The following VAT1L variants were observed in gnomAD, a reference collection of about 807,000 sequenced individuals.
VAT1L encodes vesicle amine transport 1 like, also known as putative NADPH-dependent quinone oxidoreductase VAT1L.
Under a neutral mutation model 44.1 loss-of-function variants are expected in VAT1L, and 34 were observed. That is an observed-to-expected ratio of 0.77 (90% CI 0.59 to 1.03). The LOEUF is 1.03. Among genes scored for constraint, VAT1L ranks in the 50% least tolerant of loss-of-function variants. VAT1L has a pLI of 0.00. For missense variants in VAT1L, 615 were observed against 538.8 expected, an observed-to-expected ratio of 1.14 and a Z score of -1.40; for synonymous variants, 253 against 202.2, an observed-to-expected ratio of 1.25 and a Z score of -2.13.
rs1362286786 is a variant in VAT1L at position 77,876,472 on chromosome 16, T to C, written c.825T>C (p.Tyr275=). 5.0e-6 allele frequency: 8 copies of C among 1,613,978 alleles called. No individual in the cohort carries two copies. The highest frequency in any genetic ancestry group is 5.9e-6 in the Non-Finnish European group (7 of 1,179,832). ...LLKPLGTYIL[Y]GSSNMVTGET... ...AACCCCTGGGAACCTACATTTTATA[T>C]GGTGAGTGCAAAACAGCAGCAGGGA... Residue 275 remains tyrosine, a splice_region_variant and synonymous_variant, in exon 5 of 9, where the codon TAT becomes TAC. Transcript: ENST00000302536.
intron 1 of VAT1L, among the ~76,000 whole-genome samples, chr16:77,801,997 C>A (rs1008859252): frequency 1.3e-5 from 2 of 152,148 alleles, no homozygotes; most frequent in African/African-American, 4.8e-5. Flanking sequence ...TGAAACAGTC[C>A]TTTCAGATTT....
intron 7 of VAT1L, among the ~76,000 whole-genome samples, chr16:77,942,425 A>G (rs895482203): frequency 1.4e-4 from 21 of 150,130 alleles, no homozygotes; most frequent in Admixed American, 1.2e-3. Context: ...CACCATATCA[A>G]TCAGTGATGT....
At chr16:77,881,982 G>A (rs936050965) in intron 6 of VAT1L, 5 of 152,322 alleles carry the variant, frequency 3.3e-5, no homozygotes, top group Admixed American at 3.3e-4. Context: ...CTCAATGAAG[G>A]CATTCATAAA....
chr16:77,884,754 C>T lies in VAT1L; in HGVS notation c.1029C>T (p.Asn343=). 1 of 1,587,114 alleles carries T rather than the reference C, an allele frequency of 6.3e-7. No individual in the cohort carries two copies. Among genetic ancestry groups the T allele is most frequent in the Non-Finnish European group, 8.6e-7 (1 of 1,167,526 alleles). ...TGGAAAAACTCATAGGGCTCTACAA[C>T]CAGAAGAAGATCAAGCCTGTGGTGG... ...GVVEKLIGLY[N]QKKIKPVVDS... Residue 343 remains asparagine, a synonymous_variant, in exon 7 of 9, where the codon AAC becomes AAT. Coordinates refer to ENST00000302536, the MANE Select transcript of VAT1L (RefSeq NM_020927.3). The surrounding 1 kb of genome is among the most constrained non-coding windows in gnomAD (Gnocchi z 4.5).
At chr16:77,865,611 C>T (rs532042487) in intron 4 of VAT1L, among the ~76,000 whole-genome samples, 6 of 152,268 alleles carry the variant, frequency 3.9e-5, no homozygotes, top group South Asian at 4.1e-4. Context: ...AAGGTGCTAT[C>T]GAATACTTAC....
At chr16:77,789,095 C>T (rs1306834107) in intron 1 of VAT1L, among the ~76,000 whole-genome samples, 180 bp downstream of exon 1, 1 of 152,068 alleles carries the variant, frequency 6.6e-6, no homozygotes, top group Non-Finnish European at 1.5e-5. Context: ...AGAGGGGCGG[C>T]CTCCCCAAGC....
At chr16:77,898,373 G>T (rs981832213) in intron 7 of VAT1L, among the ~76,000 whole-genome samples, 1 of 152,242 alleles carries the variant, frequency 6.6e-6, no homozygotes, top group Middle Eastern at 3.4e-3. Flanking sequence ...AGTCACATAC[G>T]ATCAAAAACG....
chr16:77,916,218 G>A (rs940849689), intron 7 of VAT1L, among the ~76,000 whole-genome samples: 1 of 152,116 alleles, frequency 6.6e-6, no homozygotes, highest in Non-Finnish European at 1.5e-5. Flanking sequence ...TTTGGGTTTC[G>A]TGCACTCAAC....
intron 7 of VAT1L, among the ~76,000 whole-genome samples, chr16:77,942,183 T>A (rs2017893662): frequency 6.6e-6 from 1 of 152,168 alleles, no homozygotes; most frequent in Non-Finnish European, 1.5e-5. Context: ...GGTCTCACAA[T>A]CATGGTGGAA....
intron 7 of VAT1L, among the ~76,000 whole-genome samples, chr16:77,967,104 A>G (rs1354084598): frequency 1.3e-5 from 2 of 152,080 alleles, no homozygotes; most frequent in African/African-American, 4.8e-5. Flanking sequence ...TTTGGGAGCA[A>G]TGTCTCTTTT....
intron 7 of VAT1L, among the ~76,000 whole-genome samples, chr16:77,964,830 G>C (rs1168102238): frequency 8.1e-6 from 1 of 123,524 alleles, no homozygotes; most frequent in Non-Finnish European, 1.6e-5. Context: ...TTTCGCCCTT[G>C]TTGCCCAGGC....
In VAT1L at chr16:77,834,817, C is replaced by T. The variant is rs78651476; in HGVS notation, c.579+9356C>T. 4.3e-3 allele frequency among the ~76,000 whole-genome samples: 653 copies of T among 152,274 alleles called. 5 individuals are homozygous for T. The highest frequency in any genetic ancestry group is 0.015 in the African/African-American group (618 of 41,544). On this transcript the variant is annotated intron_variant, in intron 3 of 8. Transcript: ENST00000302536. ...ATTTTCCTAAGATTAATGGCCTGGGCCCTGGAGTCAGTCTATGTCCAAAGC... is the reference window on the plus strand; with the variant it reads ...ATTTTCCTAAGATTAATGGCCTGGGTCCTGGAGTCAGTCTATGTCCAAAGC...
chr16:77,965,466 A>T (rs763821218), intron 7 of VAT1L, among the ~76,000 whole-genome samples: 12 of 152,130 alleles, frequency 7.9e-5, no homozygotes, highest in Non-Finnish European at 1.3e-4. Flanking sequence ...TTGAGCTTAG[A>T]ATGTTGGCAT....
intron 7 of VAT1L, among the ~76,000 whole-genome samples, chr16:77,935,684 C>T (rs952137191): frequency 1.3e-5 from 2 of 151,924 alleles, no homozygotes; most frequent in Non-Finnish European, 2.9e-5. Flanking sequence ...CTGGTTGGAT[C>T]GTGTCTGCAG....
chr16:77,801,927 T>C (rs1300067226), intron 1 of VAT1L, among the ~76,000 whole-genome samples: 1 of 152,124 alleles, frequency 6.6e-6, no homozygotes, highest in Non-Finnish European at 1.5e-5. Flanking sequence ...AAACTCTGAC[T>C]CAACGTTTTG....
chr16:77,816,900 T>C, intron 1 of VAT1L, 21 bp from the exon 2 acceptor site: 1 of 1,579,026 alleles, frequency 6.3e-7, no homozygotes, highest in Non-Finnish European at 8.6e-7. Flanking sequence ...ATTTCTCTCC[T>C]TTCACATTTG....
Position 77,860,019 on chromosome 16 carries a change from G to C in VAT1L, c.580-2729G>C, listed in dbSNP as rs116919355. ...TCCAATATGGCTGGTGTCCTTATGA[G>C]AAGGGGAAATTCGGACACAGAGTGT... On this transcript the variant is annotated intron_variant, in intron 3 of 8. Transcript: ENST00000302536. Among the ~76,000 whole-genome samples the C allele has an allele frequency of 5.2e-3, 792 of 152,272 alleles. 11 individuals are homozygous for C. Among genetic ancestry groups the C allele is most frequent in the East Asian group, 0.04 (205 of 5,180 alleles).
chr16:77,867,511 A>G (rs568068809), intron 4 of VAT1L, among the ~76,000 whole-genome samples: 2 of 152,208 alleles, frequency 1.3e-5, no homozygotes, highest in East Asian at 3.9e-4. Context: ...TCGACTTACA[A>G]TGGAGTTACA....
chr16:77,838,166 C>T (rs1043170107), intron 3 of VAT1L, among the ~76,000 whole-genome samples: 3 of 152,206 alleles, frequency 2.0e-5, no homozygotes, highest in African/African-American at 7.2e-5. Context: ...CCCTTGGATA[C>T]ATGCTGAGAA....
Sources: gnomAD v4.1 joint callset for allele counts (sites outside exome capture counted in the v4.1 genomes callset) on GRCh38, gnomAD v4.1.1 for gene constraint, Gnocchi (gnomAD v3.1) non-coding constraint, MANE v1.5 for transcripts, NCBI Gene and HGNC (gene_info 2026-07-23, HGNC 2026-07-21) for gene names.